ITGAM: variants seen among roughly 807,000 people sequenced by gnomAD.
ITGAM encodes the protein integrin alpha-M.
In ITGAM, 79 loss-of-function variants were observed where a neutral mutation model predicts 137.5. That is an observed-to-expected ratio of 0.57 (90% CI 0.48 to 0.69). The LOEUF (loss-of-function observed/expected upper bound fraction) is 0.69, where lower values mean the gene tolerates loss of function less well. Among genes scored for constraint, ITGAM ranks in the 30% least tolerant of loss-of-function variants. The pLI is 0.00. For synonymous variants in ITGAM, 583 were observed against 592.3 expected (o/e 0.98, Z 0.23); for missense variants, 1,343 against 1,483.5 (o/e 0.91, Z 1.56).
At chr16:31,331,565 C>T (rs2080583710) in intron 29 of ITGAM, 71 bp from the exon 30 acceptor site, 6 of 1,047,494 alleles carry the variant, frequency 5.7e-6, no homozygotes, top group Non-Finnish European at 8.7e-6. Flanking sequence ...CCTCCCGCCC[C>T]CTCCCCCTGG....
intron 5 of ITGAM, 107 bp downstream of exon 5, chr16:31,266,254 G>C (rs1421896815): frequency 9.4e-5 from 69 of 733,614 alleles, no homozygotes; most frequent in Admixed American, 2.0e-4. Context: ...GCAGAAGAGT[G>C]GGGGAACTGG....
At chr16:31,323,108 T>G (rs369907887) in intron 16 of ITGAM, among the ~76,000 whole-genome samples, 2 of 150,102 alleles carry the variant, frequency 1.3e-5, no homozygotes, top group South Asian at 4.2e-4. Context: ...TGGAATAGGA[T>G]GGAATAGGAA....
chr16:31,312,681 G>A (rs1270694053), intron 14 of ITGAM, among the ~76,000 whole-genome samples: 1 of 151,996 alleles, frequency 6.6e-6, no homozygotes, highest in Non-Finnish European at 1.5e-5. Context: ...TTCCCACCTT[G>A]GCCTCCCAAA....
rs1438777311 is a variant in ITGAM, at chr16:31,329,873, A to G, written c.2944A>G (p.Ile982Val). ...LVPVRLNQTVIWDRPQVTFSE... is the reference protein window; with the variant it reads ...LVPVRLNQTVVWDRPQVTFSE... ...GCCCGTCCGGCTGAACCAGACTGTC[A>G]TATGGGACCGCCCCCAGGTCACCTT... Residue 982 changes from isoleucine (I) to valine (V), a missense_variant, in exon 25 of 30, where the codon ATA (isoleucine) becomes GTA (valine). Physicochemically the swap from Ile to Val is conservative, Grantham distance 29. Coordinates refer to ENST00000544665, the MANE Select transcript of ITGAM (RefSeq NM_000632.4). The G allele has an allele frequency of 5.1e-6, 8 of 1,563,954 alleles. No individual in the cohort carries two copies. The highest frequency in any genetic ancestry group is 6.9e-6 in the Non-Finnish European group (8 of 1,154,238).
At chr16:31,296,576 G>A (rs916220995) in intron 12 of ITGAM, among the ~76,000 whole-genome samples, 2 of 152,112 alleles carry the variant, frequency 1.3e-5, no homozygotes, top group Non-Finnish European at 2.9e-5. Context: ...TTCCCTCAAT[G>A]GTGTATGAGG....
intron 14 of ITGAM, among the ~76,000 whole-genome samples, chr16:31,306,917 C>T (rs1163339272): frequency 1.3e-5 from 2 of 152,116 alleles, no homozygotes; most frequent in Non-Finnish European, 2.9e-5. Flanking sequence ...CCCTTCAAGA[C>T]AATTGCTGCT....
In ITGAM at chr16:31,320,965, G is replaced by T. The variant is rs537361082; in HGVS notation, c.1708-276G>T. ...ACAGGGCAGAATCGCTTGAGCCCAG[G>T]AGTTCAAGACCAGCCTGGGCCACAA... On this transcript the variant is annotated intron_variant, in intron 14 of 29. Transcript: ENST00000544665. Among the ~76,000 whole-genome samples, 7 of 152,258 alleles carry T rather than the reference G, an allele frequency of 4.6e-5. No homozygotes were observed. In the South Asian group the frequency reaches 1.5e-3, roughly 32 times the overall value.
intron 14 of ITGAM, among the ~76,000 whole-genome samples, chr16:31,307,575 C>T (rs1303668322): frequency 2.6e-5 from 4 of 152,192 alleles, no homozygotes; most frequent in East Asian, 1.9e-4. Context: ...TCTAGATATA[C>T]AGTCATGTCA....
At chr16:31,316,827 GTTAAA>G (rs1350445836) in intron 14 of ITGAM, among the ~76,000 whole-genome samples, 2 of 151,894 alleles carry the variant, frequency 1.3e-5, no homozygotes, top group Non-Finnish European at 2.9e-5. Flanking sequence ...CACCTTCTTG[GTTAAA>G]TTAACTTGTA....
intron 12 of ITGAM, among the ~76,000 whole-genome samples, chr16:31,283,981 G>A (rs921663683): frequency 1.3e-5 from 2 of 152,186 alleles, no homozygotes; most frequent in Non-Finnish European, 2.9e-5. Context: ...GTTGGAGTTT[G>A]CCGGAGTTCC....
intron 29 of ITGAM, 140 bp downstream of exon 29, chr16:31,331,415 A>G (rs1162869311): frequency 4.4e-6 from 3 of 682,116 alleles, no homozygotes; most frequent in African/African-American, 1.8e-5. Context: ...TCAGTCTCTT[A>G]GGGAGGGTGG....
intron 14 of ITGAM, among the ~76,000 whole-genome samples, chr16:31,309,360 GGATA>G (rs1307440396): frequency 1.9e-5 from 2 of 105,942 alleles, no homozygotes; most frequent in African/African-American, 7.9e-5. Flanking sequence ...TATATATTTA[GGATA>G]GTTAGTTCTT....
At chr16:31,307,370 G>A (rs2080275955) in intron 14 of ITGAM, among the ~76,000 whole-genome samples, 1 of 152,160 alleles carries the variant, frequency 6.6e-6, no homozygotes, top group Admixed American at 6.6e-5. Flanking sequence ...CACATCCCTT[G>A]TAAGTTGGAT....
chr16:31,304,771 GTATTTGGTTT>G (rs1355910846), intron 14 of ITGAM, among the ~76,000 whole-genome samples: 1 of 152,098 alleles, frequency 6.6e-6, no homozygotes, highest in Non-Finnish European at 1.5e-5. Context: ...TTGGCTGTAA[GTATTTGGTTT>G]TATTTCTGGG....
At chr16:31,326,359 A>T (rs2080508281) in intron 21 of ITGAM, among the ~76,000 whole-genome samples, 1 of 152,196 alleles carries the variant, frequency 6.6e-6, no homozygotes, top group Non-Finnish European at 1.5e-5. Context: ...CTTAGCAAGG[A>T]TCATTCATGT....
chr16:31,279,056 A>C (rs909293444), intron 12 of ITGAM, among the ~76,000 whole-genome samples: 3 of 152,198 alleles, frequency 2.0e-5, no homozygotes, highest in Admixed American at 2.0e-4. Context: ...GTCCCTACAA[A>C]GGACATGAAC....
At chr16:31,261,859 A>C in intron 2 of ITGAM, 62 bp downstream of exon 2, 1 of 991,470 alleles carries the variant, frequency 1.0e-6, no homozygotes, top group Admixed American at 2.2e-5. Flanking sequence ...ACATACCTGA[A>C]AAAAATCAGC....
At chr16:31,261,068 C>T (rs1657554857) in intron 1 of ITGAM, among the ~76,000 whole-genome samples, 1 of 152,132 alleles carries the variant, frequency 6.6e-6, no homozygotes, top group Non-Finnish European at 1.5e-5. Flanking sequence ...TGGCTGTTTA[C>T]AGAATAAGTG....
chr16:31,321,388 G>A lies in ITGAM; in HGVS notation c.1838+17G>A. 6.2e-7 allele frequency: 1 copy of A among 1,613,918 alleles called. No individual in the cohort carries two copies. Among genetic ancestry groups the A allele is most frequent in the Non-Finnish European group, 8.5e-7 (1 of 1,179,844 alleles). On this transcript the variant is annotated intron_variant, in intron 15 of 29. Coordinates refer to ENST00000544665, the MANE Select transcript of ITGAM (RefSeq NM_000632.4). The stretch of plus-strand genomic sequence containing the variant: ...GCTGCTCAGGTGAGAATGCCTTTTG[G>A]AGTCAACCGGACATTCTCCCTTGAA...
Sources: gnomAD v4.1 joint callset for allele counts (sites outside exome capture counted in the v4.1 genomes callset) on GRCh38, gnomAD v4.1.1 for gene constraint, MANE v1.5 for transcripts, NCBI Gene and HGNC (gene_info 2026-07-23, HGNC 2026-07-21) for gene names.